The following BLOC1S5 variants were observed in gnomAD, a reference collection of about 807,000 sequenced individuals.
The protein encoded by BLOC1S5 is biogenesis of lysosomal organelles complex 1 subunit 5.
In BLOC1S5, 27 loss-of-function variants were observed where a neutral mutation model predicts 24.3. The ratio of observed to expected loss-of-function variants is 1.11; its 90% CI spans 0.82 to 1.53. The LOEUF is 1.53. Among genes scored for constraint, BLOC1S5 ranks in the 40% most tolerant of loss-of-function variants. BLOC1S5 has a pLI of 0.00. For missense variants in BLOC1S5, 239 were observed against 229.4 expected, an observed-to-expected ratio of 1.04 and a Z score of -0.27; for synonymous variants, 84 against 74.5, an observed-to-expected ratio of 1.13 and a Z score of -0.66.
At chr6:8,030,553 A>C (rs1375597421) in intron 3 of BLOC1S5, among the ~76,000 whole-genome samples, 1 of 151,876 alleles carries the variant, frequency 6.6e-6, no homozygotes, top group Non-Finnish European at 1.5e-5. Context: ...CAACAGTAGA[A>C]TGAATCAAGC....
At chr6:8,028,211 G>A (rs574221871) in intron 3 of BLOC1S5, among the ~76,000 whole-genome samples, 1 of 152,182 alleles carries the variant, frequency 6.6e-6, no homozygotes, top group African/African-American at 2.4e-5. Context: ...GAAATGTTAG[G>A]CCTCTCCCTC....
At chr6:8,041,383 G>C in intron 2 of BLOC1S5, 115 bp from the exon 3 acceptor site, 2 of 1,028,266 alleles carry the variant, frequency 1.9e-6, no homozygotes, top group Non-Finnish European at 2.6e-6. Flanking sequence ...TGTGATCTCA[G>C]CTCACTGCAA....
chr6:8,053,635 G>C (rs1341604007), intron 2 of BLOC1S5, among the ~76,000 whole-genome samples: 4 of 152,260 alleles, frequency 2.6e-5, no homozygotes, highest in South Asian at 4.1e-4. Flanking sequence ...TGTTTAACTT[G>C]CTTTATTGCA....
chr6:8,035,798 C>T (rs1370973594), intron 3 of BLOC1S5, among the ~76,000 whole-genome samples: 1 of 152,184 alleles, frequency 6.6e-6, no homozygotes, highest in African/African-American at 2.4e-5. Flanking sequence ...GAGACTTCAA[C>T]ATCCCATTCT....
chr6:8,025,936 C>T (rs938418989), intron 4 of BLOC1S5, among the ~76,000 whole-genome samples: 1 of 152,200 alleles, frequency 6.6e-6, no homozygotes, highest in Non-Finnish European at 1.5e-5. Context: ...AAGCACTGCC[C>T]AGCAAATGAT....
intron 3 of BLOC1S5, among the ~76,000 whole-genome samples, chr6:8,038,511 G>T (rs186829442): frequency 1.3e-5 from 2 of 151,858 alleles, no homozygotes; most frequent in African/African-American, 2.4e-5. Flanking sequence ...TATTGACGGA[G>T]TCTCACTCTG....
intron 4 of BLOC1S5, among the ~76,000 whole-genome samples, chr6:8,020,144 G>C (rs1762871212): frequency 6.6e-6 from 1 of 152,152 alleles, no homozygotes; most frequent in South Asian, 2.1e-4. Context: ...TAACATAAAA[G>C]TATAGAATAT....
chr6:8,036,203 A>C (rs1042271283), intron 3 of BLOC1S5, among the ~76,000 whole-genome samples: 1 of 152,164 alleles, frequency 6.6e-6, no homozygotes, highest in South Asian at 2.1e-4. Flanking sequence ...ACCCAAATCT[A>C]TGGGATACAG....
In BLOC1S5 at chr6:8,024,728, TGAGCTGGCAGGA is replaced by T. The variant is rs1763051870; in HGVS notation, c.384+1627_384+1638del. Among the ~76,000 whole-genome samples the T allele has an allele frequency of 3.3e-5, 5 of 152,024 alleles. No homozygotes were observed. In the South Asian group the frequency reaches 1.0e-3, roughly 32 times the overall value. On this transcript the variant is annotated intron_variant, in intron 4 of 4. Transcript: ENST00000397457. ...GACCGCTCGCATCTTAAACAAACAG[TGAGCTGGCAGGA>T]AAAAAATGCTGCCCTACATTTTGAT...
chr6:8,037,690 C>G (rs1009811577), intron 3 of BLOC1S5, among the ~76,000 whole-genome samples: 3 of 152,146 alleles, frequency 2.0e-5, no homozygotes, highest in African/African-American at 7.2e-5. Context: ...AAGAACAAAG[C>G]TGGAGGCATC....
At chr6:8,022,593 T>A (rs13206737) in intron 4 of BLOC1S5, among the ~76,000 whole-genome samples, 1 of 118,264 alleles carries the variant, frequency 8.5e-6, no homozygotes, top group Non-Finnish European at 1.7e-5. Context: ...TTTTTTTTTC[T>A]TTTTTTTTTG....
chr6:8,047,141 AC>A (rs1763928206), intron 2 of BLOC1S5, among the ~76,000 whole-genome samples: 1 of 62,048 alleles, frequency 1.6e-5, no homozygotes, highest in Non-Finnish European at 2.9e-5. Flanking sequence ...CAATAAGACC[AC>A]CTCTCTCTCT....
At chr6:8,023,605 T>C (rs757152708) in intron 4 of BLOC1S5, among the ~76,000 whole-genome samples, 29 of 150,586 alleles carry the variant, frequency 1.9e-4, no homozygotes, top group African/African-American at 2.4e-5. Context: ...AAAAAAAGAA[T>C]TAATGAGTAA....
intron 2 of BLOC1S5, chr6:8,041,782 G>A (rs1763701174): frequency 6.6e-6 from 1 of 151,282 alleles, no homozygotes; most frequent in Non-Finnish European, 1.5e-5. Flanking sequence ...GAGTAGCTGG[G>A]AATACAGGCG....
intron 3 of BLOC1S5, among the ~76,000 whole-genome samples, chr6:8,037,916 A>G (rs13218209): frequency 0.28 from 42,517 of 152,076 alleles, 6,294 homozygotes; most frequent in South Asian, 0.35. Context: ...GGAAAACTGG[A>G]TATCAGTATG....
intron 3 of BLOC1S5, chr6:8,027,089 C>T (rs1488185596): frequency 3.6e-6 from 1 of 279,470 alleles, no homozygotes; most frequent in African/African-American, 2.2e-5. Flanking sequence ...TTGGCTCTTA[C>T]TATCAACACT....
chr6:8,050,044 C>T (rs1764053760), intron 2 of BLOC1S5, among the ~76,000 whole-genome samples: 1 of 152,134 alleles, frequency 6.6e-6, no homozygotes, highest in Non-Finnish European at 1.5e-5. Context: ...CGCAAGCATA[C>T]CTCACTTTAC....
At chr6:8,062,751 A>C in intron 1 of BLOC1S5, 135 bp from the exon 2 acceptor site, 4 of 579,560 alleles carry the variant, frequency 6.9e-6, no homozygotes, top group Non-Finnish European at 9.2e-6. Flanking sequence ...AAGAAATCTC[A>C]TCCACTGCCA....
rs1373181680 is a variant in BLOC1S5 at position 8,013,869 on chromosome 6, C to T, written c.*1780G>A. On this transcript the variant is annotated 3_prime_UTR_variant, in exon 5 of 5. Coordinates refer to ENST00000397457, the MANE Select transcript of BLOC1S5 (RefSeq NM_201280.3). ...CAACATGCCTTGGTGTCAGCAAGTG[C>T]GCTTTTTAGTCCAGGTACCAGCAAA... is the stretch of plus-strand genomic sequence containing the variant. The T allele has an allele frequency of 4.6e-5, 7 of 152,266 alleles. No homozygotes were observed. Among genetic ancestry groups the T allele is most frequent in the East Asian group, 3.9e-4 (2 of 5,178 alleles). 9.4% of individuals were successfully genotyped at this position (152,266 alleles called of 1,614,324 possible).
Sources: allele counts gnomAD v4.1 joint callset (sites outside exome capture counted in the v4.1 genomes callset), GRCh38; gene constraint gnomAD v4.1.1; transcripts MANE v1.5; gene names NCBI Gene and HGNC (gene_info 2026-07-23, HGNC 2026-07-21).